The following ENTPD1 variants were observed in gnomAD, a reference collection of about 807,000 sequenced individuals.
The protein encoded by ENTPD1 is ATP diphosphohydrolase.
A neutral mutation model predicts 57.0 loss-of-function variants in ENTPD1; 33 were observed. The observed-to-expected ratio is 0.58, with a 90% CI of 0.44 to 0.77. The LOEUF (loss-of-function observed/expected upper bound fraction) is 0.77, where lower values mean the gene tolerates loss of function less well. ENTPD1 is among the 30% of genes least tolerant of loss of function. The pLI is 0.00. For missense variants in ENTPD1, 501 were observed against 603.4 expected (o/e 0.83, Z 1.78); for synonymous variants, 202 against 218.8 (o/e 0.92, Z 0.68).
chr10:95,858,620 C>T (rs755839678), intron 7 of ENTPD1, among the ~76,000 whole-genome samples: 83 of 151,522 alleles, frequency 5.5e-4, no homozygotes, highest in Non-Finnish European at 1.1e-3. Context: ...GACCATACCA[C>T]GATCTTTTTC....
At chr10:95,864,576 C>T in intron 8 of ENTPD1, 148 bp from the exon 9 acceptor site, 2 of 1,002,502 alleles carry the variant, frequency 2.0e-6, no homozygotes, top group Non-Finnish European at 3.1e-6. Flanking sequence ...AGTGCAGCAC[C>T]ACCCCCAAAA....
At chr10:95,750,342 G>T (rs2139898911) in intron 1 of ENTPD1, among the ~76,000 whole-genome samples, 1 of 152,254 alleles carries the variant, frequency 6.6e-6, no homozygotes, top group Non-Finnish European at 1.5e-5. Context: ...GGAGGTGTTT[G>T]GGTCCTGGGG....
intron 1 of ENTPD1, among the ~76,000 whole-genome samples, chr10:95,768,049 C>T (rs1280790471): frequency 6.6e-6 from 1 of 152,244 alleles, no homozygotes; most frequent in Non-Finnish European, 1.5e-5. Context: ...TTGCCAGATG[C>T]TGGCCCCTTG....
intron 1 of ENTPD1, among the ~76,000 whole-genome samples, chr10:95,747,239 A>G (rs1169123074): frequency 6.6e-6 from 1 of 152,242 alleles, no homozygotes; most frequent in African/African-American, 2.4e-5. Flanking sequence ...TTTGATTCAA[A>G]TCAAAATGTT....
rs912941080 is a variant in ENTPD1 at position 95,871,730 on chromosome 10, G to A, written c.*5347G>A. 2.0e-6 allele frequency: 2 copies of A among 985,232 alleles called. No individual in the cohort carries two copies. The highest frequency in any genetic ancestry group is 3.5e-5 in the African/African-American group (2 of 57,218). The allele number at this position is 985,232 out of a possible 1,614,324, so 61.0% of individuals were successfully genotyped here. On this transcript the variant is annotated 3_prime_UTR_variant, in exon 10 of 10. Coordinates refer to ENST00000371205, the MANE Select transcript of ENTPD1 (RefSeq NM_001776.6). ...ATAATCAACTGACACCATGATCAGT[G>A]ATGATGATCACCCTCATCAGCACTA...
chr10:95,716,903 A>G (rs2097972151), intron 1 of ENTPD1, among the ~76,000 whole-genome samples: 1 of 152,222 alleles, frequency 6.6e-6, no homozygotes, highest in African/African-American at 2.4e-5. Flanking sequence ...GTAGCTAGTC[A>G]TATAGTCAAC....
intron 1 of ENTPD1, among the ~76,000 whole-genome samples, chr10:95,800,951 A>T (rs912893317): frequency 6.6e-6 from 1 of 152,234 alleles, no homozygotes; most frequent in Non-Finnish European, 1.5e-5. Context: ...GGATTAAGAG[A>T]TTAAAGACAG....
At chr10:95,697,199 T>C in the ENTPD1 span, among the ~76,000 whole-genome samples, 2 of 152,144 alleles carry the variant, frequency 1.3e-5, no homozygotes, top group African/African-American at 2.4e-5. Flanking sequence ...CTATGAGTTA[T>C]TGATTGAAGT....
chr10:95,730,583 A>T (rs936006747), intron 1 of ENTPD1, among the ~76,000 whole-genome samples: 7 of 152,218 alleles, frequency 4.6e-5, no homozygotes, highest in African/African-American at 1.7e-4. Context: ...TTAGAAACTG[A>T]TATATAATTA....
intron 2 of ENTPD1, among the ~76,000 whole-genome samples, chr10:95,823,888 A>G (rs1187398556): frequency 6.6e-6 from 1 of 152,272 alleles, no homozygotes; most frequent in Non-Finnish European, 1.5e-5. Flanking sequence ...AAAGCAAATC[A>G]GAAAACATAT....
At chr10:95,748,408 C>T (rs1213974476) in intron 1 of ENTPD1, among the ~76,000 whole-genome samples, 1 of 152,100 alleles carries the variant, frequency 6.6e-6, no homozygotes, top group Non-Finnish European at 1.5e-5. Context: ...CCTTTTATTG[C>T]AAAAAATTTC....
intron 7 of ENTPD1, among the ~76,000 whole-genome samples, chr10:95,854,520 A>T (rs1311801814): frequency 6.6e-6 from 1 of 151,710 alleles, no homozygotes; most frequent in Non-Finnish European, 1.5e-5. Context: ...TTTAATTGTG[A>T]TGTTAGGTTG....
At chr10:95,771,289 A>C (rs1298420912) in intron 1 of ENTPD1, among the ~76,000 whole-genome samples, 2 of 152,228 alleles carry the variant, frequency 1.3e-5, no homozygotes, top group Non-Finnish European at 2.9e-5. Flanking sequence ...ATTTTTCAAA[A>C]ACATTTGCAA....
chr10:95,806,146 G>T (rs1008223404), intron 1 of ENTPD1, among the ~76,000 whole-genome samples: 1 of 152,128 alleles, frequency 6.6e-6, no homozygotes, highest in African/African-American at 2.4e-5. Flanking sequence ...CATAGATTTG[G>T]TCTTTTCACA....
rs913400038 is a variant in ENTPD1, at chr10:95,864,703, T to G, written c.1189-21T>G. 6.2e-6 allele frequency: 10 copies of G among 1,613,728 alleles called. No individual in the cohort carries two copies. In the African/African-American group the frequency reaches 1.3e-4, roughly 22 times the overall value. ...AGGTGCCTATCATACGAGTATGATCTCCCCCTCACTTCACTTCTAGATAAA... is the reference window on the plus strand; with the variant it reads ...AGGTGCCTATCATACGAGTATGATCGCCCCCTCACTTCACTTCTAGATAAA... On this transcript the variant is annotated intron_variant, in intron 8 of 9. Transcript: ENST00000371205.
chr10:95,845,810 C>T lies in ENTPD1; in HGVS notation c.813+214C>T, dbSNP rs945473714. 1.5e-5 allele frequency: 10 copies of T among 658,874 alleles called. No individual in the cohort carries two copies. In the African/African-American group the frequency reaches 1.8e-4, roughly 12 times the overall value. The allele number at this position is 658,874 out of a possible 1,614,324, so 40.8% of individuals were successfully genotyped here. A position where few individuals can be genotyped will look rare whatever the true frequency, so the allele number is the denominator to read the frequency against. On this transcript the variant is annotated intron_variant, in intron 6 of 9. Coordinates refer to ENST00000371205, the MANE Select transcript of ENTPD1 (RefSeq NM_001776.6). ...CCATGTTTGTTTACTGCGTTATCTCCACAGACACAACTGAGATCTTCTCTC... is the reference window on the plus strand; with the variant it reads ...CCATGTTTGTTTACTGCGTTATCTCTACAGACACAACTGAGATCTTCTCTC...
At chr10:95,838,232 T>G (rs537916551) in intron 2 of ENTPD1, among the ~76,000 whole-genome samples, 2 of 152,290 alleles carry the variant, frequency 1.3e-5, no homozygotes, top group South Asian at 4.1e-4. Flanking sequence ...TTTTTAATCC[T>G]GAGTAAGCCC....
chr10:95,844,886 A>G (rs1324820729), intron 5 of ENTPD1: 2 of 565,112 alleles, frequency 3.5e-6, no homozygotes, highest in Non-Finnish European at 6.3e-6. Flanking sequence ...GGAAATTAAA[A>G]ATTTATCATT....
intron 1 of ENTPD1, among the ~76,000 whole-genome samples, chr10:95,811,573 A>T (rs1003901395): frequency 3.3e-5 from 5 of 152,142 alleles, no homozygotes; most frequent in African/African-American, 1.2e-4. Flanking sequence ...TTTTTTGTAG[A>T]GATAGGGTCT....
Sources: gnomAD v4.1 joint callset for allele counts (sites outside exome capture counted in the v4.1 genomes callset) on GRCh38, gnomAD v4.1.1 for gene constraint, MANE v1.5 for transcripts, NCBI Gene and HGNC (gene_info 2026-07-23, HGNC 2026-07-21) for gene names.